NGEF: variants seen among roughly 807,000 people sequenced by gnomAD.
The protein encoded by NGEF is neuronal guanine nucleotide exchange factor.
In NGEF, 31 loss-of-function variants were observed where a neutral mutation model predicts 80.9. That is an observed-to-expected ratio of 0.38 (90% CI 0.29 to 0.52). The LOEUF (loss-of-function observed/expected upper bound fraction) is 0.52, where lower values mean the gene tolerates loss of function less well. NGEF is among the 20% of genes least tolerant of loss of function. The pLI, the probability that NGEF is intolerant of heterozygous loss-of-function variation, is 0.84. For missense variants in NGEF, 709 were observed against 926.2 expected (o/e 0.77, Z 3.04); for synonymous variants, 371 against 370.2 (o/e 1.00, Z -0.03).
rs150341393 is a variant in NGEF at position 232,930,114 on chromosome 2, G to A, written c.384-2928C>T. On this transcript the variant is annotated intron_variant, in intron 3 of 14. Coordinates refer to ENST00000264051, the MANE Select transcript of NGEF (RefSeq NM_019850.3). ...TCTCAGGTATGTCTTTATCAGCCGCGTGAGAGCGGAGTAATACAGGGTGTC... is the reference window on the plus strand; with the variant it reads ...TCTCAGGTATGTCTTTATCAGCCGCATGAGAGCGGAGTAATACAGGGTGTC... 2.4e-3 allele frequency among the ~76,000 whole-genome samples: 367 copies of A among 152,184 alleles called. 5 individuals carry two copies. Among genetic ancestry groups the A allele is most frequent in the African/African-American group, 8.5e-3 (353 of 41,522 alleles).
At chr2:232,970,770 G>A (rs890594456) in intron 2 of NGEF, among the ~76,000 whole-genome samples, 3 of 149,800 alleles carry the variant, frequency 2.0e-5, no homozygotes, top group East Asian at 1.9e-4. Context: ...AGCTGAGATC[G>A]TGCCACTGCA....
At chr2:232,899,177 G>GT (rs1228469432) in intron 5 of NGEF, among the ~76,000 whole-genome samples, 1 of 151,986 alleles carries the variant, frequency 6.6e-6, no homozygotes, top group African/African-American at 2.4e-5. Flanking sequence ...GTGTATGAAG[G>GT]TGAGTGTGAA....
At chr2:232,998,228 G>C (rs202040957) in intron 1 of NGEF, among the ~76,000 whole-genome samples, 1 of 152,188 alleles carries the variant, frequency 6.6e-6, no homozygotes, top group African/African-American at 2.4e-5. Flanking sequence ...CAGGGGATGG[G>C]GTGGGAGTAG....
chr2:233,012,354 C>T (rs1474138802), intron 1 of NGEF, among the ~76,000 whole-genome samples: 2 of 152,310 alleles, frequency 1.3e-5, no homozygotes, highest in African/African-American at 4.8e-5. Flanking sequence ...AACTGTGTCC[C>T]TACACATTTC....
intron 3 of NGEF, among the ~76,000 whole-genome samples, chr2:232,944,811 G>A (rs1372462515): frequency 2.7e-5 from 4 of 146,716 alleles, no homozygotes; most frequent in African/African-American, 7.5e-5. Flanking sequence ...GAGTGCAGTG[G>A]CATAATCTCG....
chr2:232,978,127 C>T (rs1443478112), intron 1 of NGEF, among the ~76,000 whole-genome samples: 1 of 151,100 alleles, frequency 6.6e-6, no homozygotes, highest in South Asian at 2.1e-4. Flanking sequence ...AGGGGACCCC[C>T]GGGGCCTCTG....
chr2:232,959,547 T>C (rs1663916004), intron 3 of NGEF, among the ~76,000 whole-genome samples: 5 of 151,504 alleles, frequency 3.3e-5, no homozygotes, highest in Admixed American at 2.6e-4. Context: ...ACATGAGCCA[T>C]TGGTGGCAAT....
At chr2:233,008,479 A>G (rs1383251477) in intron 1 of NGEF, among the ~76,000 whole-genome samples, 2 of 152,224 alleles carry the variant, frequency 1.3e-5, no homozygotes, top group Middle Eastern at 3.2e-3. Flanking sequence ...TAACTTGTAC[A>G]TAAGATAGAG....
At chr2:232,946,885 C>A (rs367889452) in intron 3 of NGEF, among the ~76,000 whole-genome samples, 26 of 152,152 alleles carry the variant, frequency 1.7e-4, no homozygotes, top group African/African-American at 6.3e-4. Flanking sequence ...AATACAATGA[C>A]CATGAGTCCA....
At chr2:233,003,236 C>A (rs557865535) in intron 1 of NGEF, among the ~76,000 whole-genome samples, 200 of 152,318 alleles carry the variant, frequency 1.3e-3, no homozygotes, top group African/African-American at 4.7e-3. Flanking sequence ...CAAGGAAGGC[C>A]TCTGGGACTA....
chr2:232,983,064 C>T (rs1694469938), intron 1 of NGEF, among the ~76,000 whole-genome samples: 1 of 152,212 alleles, frequency 6.6e-6, no homozygotes, highest in South Asian at 2.1e-4. Context: ...ACAGCTGTCA[C>T]CCTGCCCTGG....
intron 5 of NGEF, among the ~76,000 whole-genome samples, chr2:232,908,485 C>T (rs1246069414): frequency 2.3e-5 from 3 of 129,908 alleles, no homozygotes; most frequent in Non-Finnish European, 4.8e-5. Context: ...CTCAATGCTG[C>T]TTGTTTATAC....
At chr2:232,906,022 G>A (rs1470715384) in intron 5 of NGEF, among the ~76,000 whole-genome samples, 27 of 119,738 alleles carry the variant, frequency 2.3e-4, no homozygotes, top group African/African-American at 3.0e-4. Context: ...GAGGGAGGTG[G>A]GGGGGTCAGC....
At chr2:232,977,322 G>T (rs2106325543) in intron 1 of NGEF, among the ~76,000 whole-genome samples, 1 of 152,262 alleles carries the variant, frequency 6.6e-6, no homozygotes, top group African/African-American at 2.4e-5. Context: ...GGAGCCTGGG[G>T]GCAGAATGAG....
At chr2:232,886,234 G>C (rs1323356798) in intron 9 of NGEF, among the ~76,000 whole-genome samples, 1 of 88,128 alleles carries the variant, frequency 1.1e-5, no homozygotes, top group Non-Finnish European at 2.4e-5. Flanking sequence ...AGTATGTGCT[G>C]TGTGTGTGTG....
intron 1 of NGEF, chr2:233,012,635 C>T (rs1695236640): frequency 2.9e-6 from 1 of 343,286 alleles, no homozygotes; most frequent in Non-Finnish European, 5.7e-6. Context: ...GGGTGTGGGG[C>T]CTGGGCAGTC....
chr2:232,967,708 T>G (rs981192152), intron 3 of NGEF, among the ~76,000 whole-genome samples: 9 of 78,100 alleles, frequency 1.2e-4, no homozygotes, highest in South Asian at 2.6e-4. Flanking sequence ...AAAATAGGGG[T>G]GTGTGTGTGT....
rs1214426652 is a variant in NGEF, at chr2:232,892,619, C to T, written c.1142+279G>A. Among the ~76,000 whole-genome samples the T allele has an allele frequency of 6.6e-6, 1 of 152,184 alleles. No individual in the cohort carries two copies. The highest frequency in any genetic ancestry group is 1.5e-5 in the Non-Finnish European group (1 of 68,028). The stretch of plus-strand genomic sequence containing the variant: ...CTCTCTTTTCTAACTGCACAGTGCT[C>T]TGCTCAGCCATTGGATCCAGGTCCA... On this transcript the variant is annotated intron_variant, in intron 7 of 14. Transcript: ENST00000264051. This position sits in a 1 kb window ranked among gnomAD's most constrained non-coding sequence, Gnocchi z 4.0.
At chr2:232,967,206 G>A (rs1204600691) in intron 3 of NGEF, among the ~76,000 whole-genome samples, 2 of 152,114 alleles carry the variant, frequency 1.3e-5, no homozygotes, top group Non-Finnish European at 2.9e-5. Flanking sequence ...CTCCTGCCAT[G>A]TGAGACACCT....
Sources: allele counts gnomAD v4.1 joint callset (sites outside exome capture counted in the v4.1 genomes callset), GRCh38; gene constraint gnomAD v4.1.1; non-coding constraint Gnocchi (gnomAD v3.1); transcripts MANE v1.5; gene names NCBI Gene and HGNC (gene_info 2026-07-23, HGNC 2026-07-21).